Variants in UNC13B observed in about 807,000 individuals in gnomAD.
The protein encoded by UNC13B is protein unc-13 homolog B.
In UNC13B, 144 loss-of-function variants were observed where a neutral mutation model predicts 211.0. The observed-to-expected ratio is 0.68, with a 90% CI of 0.60 to 0.78. UNC13B has a LOEUF of 0.78. Among genes scored for constraint, UNC13B ranks in the 30% least tolerant of loss-of-function variants. The pLI is 0.00. For synonymous variants in UNC13B, 709 were observed against 725.8 expected (o/e 0.98, Z 0.37); for missense variants, 1,777 against 2,002.0 (o/e 0.89, Z 2.14).
At chr9:35,398,180 C>T (rs1836013140) in intron 30 of UNC13B, 31 bp from the exon 31 acceptor site, 3 of 1,604,530 alleles carry the variant, frequency 1.9e-6, no homozygotes, top group Non-Finnish European at 1.7e-6. Context: ...TGAAAGGAGC[C>T]AAGACTCAAC....
intron 24 of UNC13B, among the ~76,000 whole-genome samples, chr9:35,387,732 A>T (rs546752004): frequency 6.6e-6 from 1 of 152,184 alleles, no homozygotes; most frequent in Non-Finnish European, 1.5e-5. Context: ...TCATTGGTTT[A>T]TTCGTCCATT....
At chr9:35,174,213 A>G (rs1821489057) in intron 1 of UNC13B, among the ~76,000 whole-genome samples, 1 of 151,994 alleles carries the variant, frequency 6.6e-6, no homozygotes, top group Non-Finnish European at 1.5e-5. Flanking sequence ...GCTGGAGTGC[A>G]GTGATTTGAT....
intron 6 of UNC13B, among the ~76,000 whole-genome samples, chr9:35,258,034 T>A (rs1827035326): frequency 6.6e-6 from 1 of 152,226 alleles, no homozygotes; most frequent in African/African-American, 2.4e-5. Context: ...ATTTACAAAT[T>A]CTGTTTTGCC....
At chr9:35,207,756 A>C (rs910239442) in intron 1 of UNC13B, among the ~76,000 whole-genome samples, 2 of 152,324 alleles carry the variant, frequency 1.3e-5, no homozygotes, top group East Asian at 3.9e-4. Flanking sequence ...TGCTAGATAC[A>C]AAACTCTTAT....
intron 7 of UNC13B, among the ~76,000 whole-genome samples, chr9:35,286,464 C>T (rs1828800722): frequency 6.6e-6 from 1 of 151,900 alleles, no homozygotes; most frequent in Admixed American, 6.6e-5. Context: ...AACTCCTGAC[C>T]TCAAATGATC....
At chr9:35,325,618 G>A (rs1830962035) in intron 11 of UNC13B, among the ~76,000 whole-genome samples, 1 of 152,032 alleles carries the variant, frequency 6.6e-6, no homozygotes, top group South Asian at 2.1e-4. Context: ...CCATCTTAAA[G>A]TATACAATTA....
chr9:35,324,282 G>A (rs1830891510), intron 11 of UNC13B, among the ~76,000 whole-genome samples: 1 of 152,272 alleles, frequency 6.6e-6, no homozygotes, highest in East Asian at 1.9e-4. Flanking sequence ...ATTATACACG[G>A]TTCTATGTCA....
At position 35,398,287 on chromosome 9, in the gene UNC13B, A is replaced by T. The variant is rs1157522080; in HGVS notation, c.11831A>T (p.Glu3944Val). 4 of 1,613,678 alleles carry T rather than the reference A, an allele frequency of 2.5e-6. No homozygotes were observed. Among genetic ancestry groups the T allele is most frequent in the Non-Finnish European group, 3.4e-6 (4 of 1,179,842 alleles). ...ATGTTTGAGGCCATGGGAGGCAAGG[A>T]GGTAGGTCTTAGGGTTTGGGAGTCA... ...EKMFEAMGGK[E>V]LDLEAADSLK... is the part of the protein sequence containing the mutation. The change falls in exon 31 of 40, where the codon GAG becomes GTG. Residue 3944 changes from glutamate (E) to valine (V), a missense_variant and splice_region_variant. Coordinates refer to ENST00000635942, the MANE Select transcript of UNC13B (RefSeq NM_001371189.2).
At chr9:35,324,271 T>C (rs1322601192) in intron 11 of UNC13B, among the ~76,000 whole-genome samples, 1 of 152,216 alleles carries the variant, frequency 6.6e-6, no homozygotes, top group Non-Finnish European at 1.5e-5. Context: ...ATAGGTATCA[T>C]ATTATACACG....
rs1386010661 is a variant in UNC13B at position 35,303,488 on chromosome 9, A to G, written c.4084A>G (p.Ile1362Val). The G allele has an allele frequency of 4.3e-5, 17 of 398,716 alleles. No homozygotes were observed. 24.7% of individuals were successfully genotyped at this position (398,716 alleles called of 1,614,324 possible). The part of the protein sequence containing the change: ...SPFCFEWDSD[I>V]KDLSKNSRKL... The stretch of plus-strand genomic sequence containing the variant: ...TTTCTGTTTTGAATGGGACTCTGAC[A>G]TAAAAGATTTGTCTAAAAATTCCAG... The change falls in exon 9 of 40, where the codon ATA becomes GTA. Residue 1362 changes from isoleucine (I) to valine (V), a missense_variant. By Grantham distance (29) the Ile-to-Val change is conservative. Coordinates refer to ENST00000635942, the MANE Select transcript of UNC13B (RefSeq NM_001371189.2).
At chr9:35,209,856 A>G (rs1296468425) in intron 1 of UNC13B, among the ~76,000 whole-genome samples, 1 of 152,204 alleles carries the variant, frequency 6.6e-6, no homozygotes, top group African/African-American at 2.4e-5. Flanking sequence ...TAACAGTAAG[A>G]AAACCTTATT....
At chr9:35,316,119 A>C (rs1830437935) in intron 11 of UNC13B, among the ~76,000 whole-genome samples, 1 of 152,078 alleles carries the variant, frequency 6.6e-6, no homozygotes, top group Non-Finnish European at 1.5e-5. Context: ...TCCTTATCAA[A>C]TCTCTACCTA....
intron 1 of UNC13B, among the ~76,000 whole-genome samples, chr9:35,205,102 G>T (rs1024989850): frequency 1.1e-4 from 16 of 152,106 alleles, no homozygotes; most frequent in Admixed American, 2.6e-4. Context: ...ATTTAAAAGT[G>T]TATAGCACCT....
chr9:35,297,350 A>G (rs911949434), intron 8 of UNC13B, among the ~76,000 whole-genome samples: 2 of 151,866 alleles, frequency 1.3e-5, no homozygotes, highest in African/African-American at 2.4e-5. Context: ...CTGCTTCCCA[A>G]ATGGAATTAC....
At chr9:35,162,715 A>T (rs781520094) in intron 1 of UNC13B, among the ~76,000 whole-genome samples, 5 of 151,736 alleles carry the variant, frequency 3.3e-5, no homozygotes, top group Non-Finnish European at 5.9e-5. Flanking sequence ...TTTTTATCAC[A>T]CTTTGAATGC....
chr9:35,194,659 G>C (rs1409390115), intron 1 of UNC13B, among the ~76,000 whole-genome samples: 2 of 152,166 alleles, frequency 1.3e-5, no homozygotes, highest in African/African-American at 4.8e-5. Flanking sequence ...TAGTTCTAAA[G>C]TGGAGGCCAA....
chr9:35,377,799 A>C, intron 16 of UNC13B, 104 bp downstream of exon 16: 1 of 1,204,172 alleles, frequency 8.3e-7, no homozygotes, highest in South Asian at 1.5e-5. Context: ...AGGGAGAAAG[A>C]AAAAGGAAAT....
At chr9:35,247,710 A>C (rs1343255441) in intron 6 of UNC13B, among the ~76,000 whole-genome samples, 1 of 152,078 alleles carries the variant, frequency 6.6e-6, no homozygotes, top group Admixed American at 6.6e-5. Context: ...AAGCCCACTT[A>C]ATCATGGTGG....
chr9:35,213,490 G>A (rs538959984), intron 1 of UNC13B, among the ~76,000 whole-genome samples: 1 of 152,232 alleles, frequency 6.6e-6, no homozygotes, highest in Non-Finnish European at 1.5e-5. Flanking sequence ...TCAATCTATG[G>A]TGTCTTATTA....
Sources: allele counts gnomAD v4.1 joint callset (sites outside exome capture counted in the v4.1 genomes callset), GRCh38; gene constraint gnomAD v4.1.1; transcripts MANE v1.5; gene names NCBI Gene and HGNC (gene_info 2026-07-23, HGNC 2026-07-21).